The following EYS variants were observed in gnomAD, a reference collection of about 807,000 sequenced individuals.
EYS encodes protein eyes shut homolog.
Under a neutral mutation model 282.1 loss-of-function variants are expected in EYS, and 250 were observed. That is an observed-to-expected ratio of 0.89 (90% confidence interval 0.80 to 0.98). EYS has a LOEUF of 0.98. Among genes scored for constraint, EYS ranks in the 50% least tolerant of loss-of-function variants. The pLI is 0.00. For missense variants in EYS, 4,016 were observed against 3,709.0 expected, an observed-to-expected ratio of 1.08 and a Z score of -2.15; for synonymous variants, 1,355 against 1,282.9, an observed-to-expected ratio of 1.06 and a Z score of -1.20.
At chr6:65,652,245 T>C (rs1460891284) in intron 1 of EYS, among the ~76,000 whole-genome samples, 2 of 152,076 alleles carry the variant, frequency 1.3e-5, no homozygotes, top group African/African-American at 4.8e-5. Context: ...TCTTATGAAA[T>C]GAAATAATTT....
At chr6:63,843,239 A>G (rs897764646) in intron 36 of EYS, among the ~76,000 whole-genome samples, 2 of 152,164 alleles carry the variant, frequency 1.3e-5, no homozygotes, top group Non-Finnish European at 1.5e-5. Context: ...CCTGTCCATG[A>G]GCATGGAACG....
intron 35 of EYS, among the ~76,000 whole-genome samples, chr6:63,908,012 GTATATATATATA>G (rs57451331): frequency 7.6e-6 from 1 of 131,152 alleles, no homozygotes; most frequent in African/African-American, 2.9e-5. Flanking sequence ...ACACACAAAC[GTATATATATATA>G]TATATATACG....
At chr6:64,909,880 T>C (rs778206166) in intron 16 of EYS, among the ~76,000 whole-genome samples, 6 of 152,176 alleles carry the variant, frequency 3.9e-5, no homozygotes, top group Non-Finnish European at 7.4e-5. Flanking sequence ...TTATTCTACT[T>C]GCTGGTCCTT....
intron 31 of EYS, among the ~76,000 whole-genome samples, chr6:64,171,082 A>AG (rs2150306786): frequency 6.6e-6 from 1 of 152,330 alleles, no homozygotes; most frequent in Admixed American, 6.5e-5. Flanking sequence ...TTAGAATGGC[A>AG]GGGATAACCT....
intron 22 of EYS, among the ~76,000 whole-genome samples, chr6:64,734,349 T>G (rs2149955058): frequency 1.3e-5 from 2 of 152,288 alleles, no homozygotes; most frequent in Middle Eastern, 6.8e-3. Context: ...TTTTAAGTTT[T>G]GTTTGAAGCT....
chr6:64,521,754 T>G (rs1777747429), intron 26 of EYS, among the ~76,000 whole-genome samples: 1 of 151,830 alleles, frequency 6.6e-6, no homozygotes, highest in African/African-American at 2.4e-5. Context: ...TTTTTTGTAG[T>G]AACATATTTT....
At chr6:65,079,803 T>G (rs962042342) in intron 12 of EYS, among the ~76,000 whole-genome samples, 11 of 152,078 alleles carry the variant, frequency 7.2e-5, no homozygotes, top group African/African-American at 2.7e-4. Flanking sequence ...TGCTTCCCAC[T>G]TACCCCACCT....
At chr6:64,753,999 A>G (rs1194110427) in intron 22 of EYS, among the ~76,000 whole-genome samples, 1 of 152,132 alleles carries the variant, frequency 6.6e-6, no homozygotes, top group Non-Finnish European at 1.5e-5. Context: ...CTATTCCTGA[A>G]TGATCTTTGG....
intron 29 of EYS, among the ~76,000 whole-genome samples, chr6:64,369,963 T>C (rs952040481): frequency 6.6e-6 from 1 of 152,104 alleles, no homozygotes; most frequent in Non-Finnish European, 1.5e-5. Context: ...TATAGAATCA[T>C]ATTGTCTGCA....
chr6:64,430,663 G>A (rs1173095100), intron 28 of EYS, among the ~76,000 whole-genome samples: 3 of 152,154 alleles, frequency 2.0e-5, no homozygotes, highest in Middle Eastern at 6.8e-3. Context: ...ATTCCACTTT[G>A]TTTTAGCTGA....
intron 11 of EYS, among the ~76,000 whole-genome samples, chr6:65,320,318 G>A (rs1463913748): frequency 6.6e-6 from 1 of 152,018 alleles, no homozygotes; most frequent in East Asian, 1.9e-4. Context: ...TGGTGACCAG[G>A]AGCTCAGGTC....
At chr6:65,047,769 C>A (rs578037017) in intron 13 of EYS, among the ~76,000 whole-genome samples, 2 of 151,946 alleles carry the variant, frequency 1.3e-5, no homozygotes, top group East Asian at 3.9e-4. Context: ...TTACAAAGTG[C>A]GGCAGAGCAT....
chr6:64,318,176 TA>T (rs977115764), intron 29 of EYS, among the ~76,000 whole-genome samples: 1 of 151,914 alleles, frequency 6.6e-6, no homozygotes, highest in African/African-American at 2.4e-5. Context: ...TAGATCATAA[TA>T]AAAAAACACC....
chr6:63,776,208 A>G (rs559303447), intron 40 of EYS, among the ~76,000 whole-genome samples: 1 of 152,312 alleles, frequency 6.6e-6, no homozygotes, highest in South Asian at 2.1e-4. Flanking sequence ...AGAAAATACA[A>G]TGTGCCAACT....
At chr6:65,471,453 G>C (rs999114672) in intron 5 of EYS, among the ~76,000 whole-genome samples, 1 of 151,976 alleles carries the variant, frequency 6.6e-6, no homozygotes, top group African/African-American at 2.4e-5. Context: ...AAAGATAAAT[G>C]ACGATGAATT....
intron 19 of EYS, among the ~76,000 whole-genome samples, chr6:64,885,456 G>C (rs937242736): frequency 6.6e-6 from 1 of 151,630 alleles, no homozygotes; most frequent in African/African-American, 2.4e-5. Context: ...AGCTCAGTGT[G>C]TTGTTTCTTA....
intron 26 of EYS, among the ~76,000 whole-genome samples, chr6:64,514,830 G>T (rs1014809225): frequency 6.6e-6 from 1 of 151,744 alleles, no homozygotes; most frequent in Admixed American, 6.6e-5. Context: ...GCATTAAAGA[G>T]GTGGGAGGAC....
chr6:64,363,943 T>A (rs1433704038), intron 29 of EYS, among the ~76,000 whole-genome samples: 1 of 152,038 alleles, frequency 6.6e-6, no homozygotes, highest in South Asian at 2.1e-4. Flanking sequence ...TTCTTTCCTC[T>A]CCATAAACCC....
intron 19 of EYS, among the ~76,000 whole-genome samples, chr6:64,874,976 C>A (rs1766701154): frequency 6.6e-6 from 1 of 151,488 alleles, no homozygotes; most frequent in African/African-American, 2.4e-5. Context: ...ACTGCTCATT[C>A]CAAATGCAAC....
Sources: gnomAD v4.1 joint callset for allele counts (sites outside exome capture counted in the v4.1 genomes callset) on GRCh38, gnomAD v4.1.1 for gene constraint, MANE v1.5 for transcripts, NCBI Gene and HGNC (gene_info 2026-07-23, HGNC 2026-07-21) for gene names.